The following NLRP14 variants were observed in gnomAD, a reference collection of about 807,000 sequenced individuals.
The protein encoded by NLRP14 is NACHT, LRR and PYD domains-containing protein 14.
In NLRP14, 105 loss-of-function variants were observed where a neutral mutation model predicts 94.7. The observed-to-expected ratio is 1.11, with a 90% CI of 0.95 to 1.30. The LOEUF is 1.30. Ranked by LOEUF, NLRP14 falls within the 50% of genes most tolerant of loss-of-function variation. The probability of loss-of-function intolerance (pLI) is 0.00; values close to 1 mark genes in which losing one functional copy is unlikely to be tolerated. For synonymous variants in NLRP14, 508 were observed against 459.9 expected (o/e 1.10, Z -1.34); for missense variants, 1,362 against 1,254.1 (o/e 1.09, Z -1.30).
At chr11:7,035,506 C>CA in intron 1 of NLRP14, among the ~76,000 whole-genome samples, 1 of 152,246 alleles carries the variant, frequency 6.6e-6, no homozygotes, top group Admixed American at 6.5e-5. Context: ...GAATGCTGCT[C>CA]AACATCATAT....
At chr11:7,050,780 T>C (rs913778520) in intron 6 of NLRP14, among the ~76,000 whole-genome samples, 2 of 152,246 alleles carry the variant, frequency 1.3e-5, no homozygotes, top group African/African-American at 4.8e-5. Context: ...AAACATAGGT[T>C]GAGTTCAGTT....
At chr11:7,073,544 C>T (rs1852832340), downstream of NLRP14, among the ~76,000 whole-genome samples, 1 of 152,134 alleles carries the variant, frequency 6.6e-6, no homozygotes, top group South Asian at 2.1e-4. Context: ...TCCCACAAGA[C>T]TCTCCCCTAT....
rs1589852538 is a variant in NLRP14 at position 7,020,614 on chromosome 11, C to A, written c.-178C>A. 1 of 152,284 alleles carries A rather than the reference C, an allele frequency of 6.6e-6. No homozygotes were observed. The highest frequency in any genetic ancestry group is 1.5e-5 in the Non-Finnish European group (1 of 68,122). 9.4% of individuals were successfully genotyped at this position (152,284 alleles called of 1,614,324 possible). A position where few individuals can be genotyped will look rare whatever the true frequency, so the allele number is the denominator to read the frequency against. On this transcript the variant is annotated 5_prime_UTR_variant, in exon 1 of 12. Transcript: ENST00000299481. ...TGGCTGGAAACGGAGCTACTGGCTTCGGAGAATTCTGTGACCCTCACCACC... is the reference window on the plus strand; with the variant it reads ...TGGCTGGAAACGGAGCTACTGGCTTAGGAGAATTCTGTGACCCTCACCACC...
At chr11:7,021,180 C>G (rs1851925857) in intron 1 of NLRP14, among the ~76,000 whole-genome samples, 1 of 152,168 alleles carries the variant, frequency 6.6e-6, no homozygotes, top group South Asian at 2.1e-4. Flanking sequence ...GCTGGATTAC[C>G]TAACCTTTAA....
downstream of NLRP14, among the ~76,000 whole-genome samples, chr11:7,074,263 AT>A (rs1852843936): frequency 6.6e-6 from 1 of 152,238 alleles, no homozygotes. Context: ...TGGTGCTGAT[AT>A]CCACACAAAA....
chr11:7,059,687 A>G (rs552748868), intron 8 of NLRP14, among the ~76,000 whole-genome samples: 1 of 152,120 alleles, frequency 6.6e-6, no homozygotes, highest in Admixed American at 6.6e-5. Flanking sequence ...ATTGTAAGAA[A>G]AATGCTGAAG....
chr11:7,083,921 TGGCCACATGGTCA>T, the NLRP14 span, among the ~76,000 whole-genome samples: 1 of 152,346 alleles, frequency 6.6e-6, no homozygotes, highest in East Asian at 1.9e-4. Flanking sequence ...GCTCTCTGTC[TGGCCACATGGTCA>T]GGCCATTGGT....
At chr11:7,025,054 G>C (rs763421598) in intron 1 of NLRP14, among the ~76,000 whole-genome samples, 3 of 152,090 alleles carry the variant, frequency 2.0e-5, no homozygotes, top group Non-Finnish European at 1.5e-5. Context: ...ATGTCTTTGT[G>C]TTGAAAATTT....
the NLRP14 span, among the ~76,000 whole-genome samples, chr11:7,077,205 C>T: frequency 2.0e-5 from 3 of 152,220 alleles, no homozygotes; most frequent in African/African-American, 7.2e-5. Context: ...CTGAGCCAGA[C>T]GCCCTCGGAA....
chr11:7,079,497 T>G, the NLRP14 span, among the ~76,000 whole-genome samples: 1 of 152,256 alleles, frequency 6.6e-6, no homozygotes. Context: ...AATTGTATTT[T>G]TGCAATTTCG....
At chr11:7,089,502 G>A in the NLRP14 span, 2 of 1,230,880 alleles carry the variant, frequency 1.6e-6, no homozygotes, top group South Asian at 2.8e-5. Context: ...GGGCGGGCCC[G>A]ATGATGACGG....
At chr11:7,067,309 T>C (rs940092197) in intron 10 of NLRP14, among the ~76,000 whole-genome samples, 49 of 152,188 alleles carry the variant, frequency 3.2e-4, no homozygotes, top group African/African-American at 1.1e-3. Flanking sequence ...GCCATTTTCA[T>C]GATACTGATT....
chr11:7,045,628 T>C (rs1054207631), intron 4 of NLRP14, among the ~76,000 whole-genome samples: 1 of 152,174 alleles, frequency 6.6e-6, no homozygotes, highest in Non-Finnish European at 1.5e-5. Context: ...TCAAGTGATA[T>C]AGACCATCAC....
At chr11:7,047,762 T>A (rs35965505) in intron 5 of NLRP14, among the ~76,000 whole-genome samples, 1 of 89,208 alleles carries the variant, frequency 1.1e-5, no homozygotes, top group African/African-American at 4.0e-5. Flanking sequence ...CTCTTTCTTT[T>A]CTTTTCTTTT....
chr11:7,082,185 C>T, the NLRP14 span, among the ~76,000 whole-genome samples: 2 of 152,082 alleles, frequency 1.3e-5, no homozygotes, highest in South Asian at 4.1e-4. Context: ...TTCTTTATAG[C>T]AAAAGGATCA....
the NLRP14 span, among the ~76,000 whole-genome samples, chr11:7,082,435 T>C: frequency 0.97 from 147,675 of 152,286 alleles, 71,755 homozygotes; most frequent in Middle Eastern, 1. Flanking sequence ...TCATATTTCA[T>C]GAAAATGTCT....
chr11:7,066,106 C>T (rs1048923207), intron 10 of NLRP14, among the ~76,000 whole-genome samples: 2 of 152,138 alleles, frequency 1.3e-5, no homozygotes, highest in Non-Finnish European at 2.9e-5. Flanking sequence ...TCCAGTCTAT[C>T]ATTGATTGGC....
chr11:7,053,317 C>T (rs989826224), intron 6 of NLRP14, among the ~76,000 whole-genome samples: 1 of 151,782 alleles, frequency 6.6e-6, no homozygotes, highest in Admixed American at 6.6e-5. Context: ...TGATAACTAA[C>T]AATATAGCCA....
At position 7,062,265 on chromosome 11, in the gene NLRP14, T is replaced by A. The variant is rs2119692290; in HGVS notation, c.2805-68T>A. 7.5e-6 allele frequency: 10 copies of A among 1,334,258 alleles called. No homozygotes were observed. The South Asian group carries it at 1.2e-4, about 16-fold the overall frequency. 82.7% of individuals were successfully genotyped at this position (1,334,258 alleles called of 1,614,324 possible). On this transcript the variant is annotated intron_variant, in intron 9 of 11. Coordinates refer to ENST00000299481, the MANE Select transcript of NLRP14 (RefSeq NM_176822.4). ...AAAGAGGTTCAAATACCTGGGTATA[T>A]CTCCTAGGAAGAAACTTATTTAACC...
Sources: allele counts gnomAD v4.1 joint callset (sites outside exome capture counted in the v4.1 genomes callset), GRCh38; gene constraint gnomAD v4.1.1; transcripts MANE v1.5; gene names NCBI Gene and HGNC (gene_info 2026-07-23, HGNC 2026-07-21).